Variants in MGAM observed in about 807,000 individuals in gnomAD.
MGAM encodes alpha-1,4-glucosidase.
Under a neutral mutation model 358.8 loss-of-function variants are expected in MGAM, and 253 were observed. The ratio of observed to expected loss-of-function variants is 0.71; its 90% CI spans 0.64 to 0.78. The LOEUF is 0.78. Ranked by LOEUF, MGAM falls within the 30% of genes least tolerant of loss-of-function variation. The pLI is 0.00. For synonymous variants in MGAM, 1,105 were observed against 1,227.1 expected, an observed-to-expected ratio of 0.90 and a Z score of 2.08; for missense variants, 3,080 against 3,432.6, an observed-to-expected ratio of 0.90 and a Z score of 2.57.
chr7:142,072,264 T>C (rs1006682264), intron 44 of MGAM, among the ~76,000 whole-genome samples: 2 of 146,172 alleles, frequency 1.4e-5, no homozygotes, highest in Admixed American at 1.4e-4. Flanking sequence ...ACAGACCAGG[T>C]ATGCCAAAAA....
intron 23 of MGAM, 35 bp from the exon 24 acceptor site, chr7:142,050,662 A>G (rs376298397): frequency 6.5e-5 from 104 of 1,590,084 alleles, no homozygotes; most frequent in Non-Finnish European, 8.4e-5. Flanking sequence ...ATACTCATAT[A>G]CCTTTATGCA....
chr7:142,005,767 G>C (rs972524112), intron 2 of MGAM, 110 bp downstream of exon 2: 1 of 1,133,864 alleles, frequency 8.8e-7, no homozygotes, highest in African/African-American at 1.6e-5. Flanking sequence ...TGTTTGTTGC[G>C]GGGGCTGTTA....
chr7:142,093,303 C>T lies in MGAM; in HGVS notation c.7034-109C>T, dbSNP rs925805271. ...GTCTCTGGGAAGACGGAGAGTGACA[C>T]AGGCAGGACTGAAGTTAGTCTTAAG... On this transcript the variant is annotated intron_variant, in intron 59 of 70. Coordinates refer to ENST00000475668, the MANE Select transcript of MGAM (RefSeq NM_001365693.1). The T allele has an allele frequency of 3.7e-6, 5 of 1,337,530 alleles. No individual in the cohort carries two copies. The African/African-American group carries it at 7.0e-5, about 19-fold the overall frequency. The allele number at this position is 1,337,530 out of a possible 1,614,324, so 82.9% of individuals were successfully genotyped here. A position where few individuals can be genotyped will look rare whatever the true frequency, so the allele number is the denominator to read the frequency against.
chr7:142,060,116 A>T, intron 33 of MGAM, 150 bp downstream of exon 33: 1 of 1,275,740 alleles, frequency 7.8e-7, no homozygotes, highest in East Asian at 2.5e-5. Flanking sequence ...TTCTCAATCA[A>T]TATTTGTTGA....
intron 2 of MGAM, among the ~76,000 whole-genome samples, chr7:141,987,428 G>A (rs1412616170): frequency 6.6e-6 from 1 of 152,162 alleles, no homozygotes; most frequent in African/African-American, 2.4e-5. Context: ...ACTCAGTGCA[G>A]TATGATTCAG....
chr7:142,080,674 C>A, intron 49 of MGAM, 117 bp from the exon 50 acceptor site: 1 of 956,582 alleles, frequency 1.0e-6, no homozygotes, highest in Non-Finnish European at 1.5e-6. Flanking sequence ...ACATCATAAA[C>A]TTAAAGAAGA....
intron 2 of MGAM, among the ~76,000 whole-genome samples, chr7:141,990,778 C>T (rs781909099): frequency 5.3e-5 from 8 of 152,020 alleles, no homozygotes; most frequent in African/African-American, 1.7e-4. Context: ...TGCGCTGCAC[C>T]GGTTCTGTTA....
At chr7:142,053,391 A>G (rs544043995) in intron 26 of MGAM, among the ~76,000 whole-genome samples, 1 of 152,076 alleles carries the variant, frequency 6.6e-6, no homozygotes. Context: ...AACATCAAGA[A>G]TGATGACCGT....
chr7:142,004,873 T>G (rs1584900831), intron 1 of MGAM, among the ~76,000 whole-genome samples: 1 of 152,022 alleles, frequency 6.6e-6, no homozygotes, highest in Non-Finnish European at 1.5e-5. Context: ...ATTAACTAGA[T>G]TTAAAGTCTC....
At chr7:142,100,696 T>C in intron 67 of MGAM, 106 bp from the exon 68 acceptor site, 1 of 929,738 alleles carries the variant, frequency 1.1e-6, no homozygotes, top group Non-Finnish European at 1.7e-6. Context: ...ATGCAGTCTT[T>C]ATCCCCCAAA....
rs1384606119 is a variant in MGAM, at chr7:142,050,735, G to A, written c.2676G>A (p.Lys892=). The A allele has an allele frequency of 6.2e-7, 1 of 1,613,808 alleles. No homozygotes were observed. Among genetic ancestry groups the A allele is most frequent in the South Asian group, 1.1e-5 (1 of 91,054 alleles). Residue 892 remains lysine, a synonymous_variant, in exon 24 of 71, where the codon AAG becomes AAA. Coordinates refer to ENST00000475668, the MANE Select transcript of MGAM (RefSeq NM_001365693.1). ...TGAATATTTCACAATCAACCTACAAGGACCCCAATAATTTAGCATTTAATG... is the reference window on the plus strand; with the variant it reads ...TGAATATTTCACAATCAACCTACAAAGACCCCAATAATTTAGCATTTAATG... ...LEVNISQSTY[K]DPNNLAFNEI...
rs761452877 is a variant in MGAM at position 142,063,548 on chromosome 7, G to A, written c.4307G>A (p.Cys1436Tyr). Residue 1436 changes from cysteine to tyrosine, a missense_variant, in exon 36 of 71, where the codon TGC (cysteine) becomes TAC (tyrosine). Physicochemically the swap from Cys to Tyr is radical, Grantham distance 194. Coordinates refer to ENST00000475668, the MANE Select transcript of MGAM (RefSeq NM_001365693.1). Reference sequence around the variant, plus strand: ...GTGAATGGGGCAGTTTCTCCAGGCTGCAGGGACGCCTCTCTGAACCACCCT... The same window carrying A: ...GTGAATGGGGCAGTTTCTCCAGGCTACAGGGACGCCTCTCTGAACCACCCT... ...SFVNGAVSPG[C>Y]RDASLNHPPY... 3.3e-5 allele frequency: 53 copies of A among 1,613,636 alleles called. No individual in the cohort carries two copies. Among genetic ancestry groups the A allele is most frequent in the Non-Finnish European group, 4.2e-5 (50 of 1,179,806 alleles).
intron 44 of MGAM, among the ~76,000 whole-genome samples, chr7:142,072,008 T>A (rs1813384692): frequency 6.8e-6 from 1 of 146,188 alleles, no homozygotes; most frequent in South Asian, 2.2e-4. Context: ...AATTCTAGAC[T>A]TTTTTATGAT....
chr7:142,085,328 T>C (rs1814652447), intron 54 of MGAM, among the ~76,000 whole-genome samples: 1 of 146,688 alleles, frequency 6.8e-6, no homozygotes, highest in Admixed American at 6.8e-5. Flanking sequence ...AATATTTCAT[T>C]CTCCAGAAGA....
At chr7:142,025,410 G>A (rs1403847176) in intron 8 of MGAM, among the ~76,000 whole-genome samples, 7 of 151,796 alleles carry the variant, frequency 4.6e-5, no homozygotes, top group African/African-American at 1.5e-4. Flanking sequence ...AAGTTAAGGA[G>A]CTCACCCTTC....
rs764218201 is a variant in MGAM, at chr7:142,052,292, A to T, written c.2806-2A>T. The T allele has an allele frequency of 1.2e-6, 2 of 1,601,506 alleles. No homozygotes were observed. The highest frequency in any genetic ancestry group is 1.1e-5 in the South Asian group (1 of 88,886). The stretch of plus-strand genomic sequence containing the variant: ...TTCCTTATGATTTCCACATTCCTAC[A>T]GGTTGCCATTATCACAGATATTGAT... On this transcript the variant is annotated splice_acceptor_variant, in intron 24 of 70. Transcript: ENST00000475668. LOFTEE classifies it high-confidence loss of function.
At chr7:142,062,884 C>A (rs1326925647) in intron 35 of MGAM, among the ~76,000 whole-genome samples, 182 bp downstream of exon 35, 1 of 152,174 alleles carries the variant, frequency 6.6e-6, no homozygotes, top group African/African-American at 2.4e-5. Flanking sequence ...TTCTACCAGA[C>A]CTGACGCTCC....
At chr7:142,027,814 C>A in intron 10 of MGAM, 79 bp downstream of exon 10, 1 of 1,355,286 alleles carries the variant, frequency 7.4e-7, no homozygotes, top group Non-Finnish European at 9.7e-7. Flanking sequence ...TATTTTCTCT[C>A]CCTGAGTTTA....
chr7:142,052,348 T>G lies in MGAM; in HGVS notation c.2860T>G (p.Trp954Gly), dbSNP rs1811069996. The change falls in exon 25 of 71, where the codon TGG becomes GGG. Residue 954 changes from tryptophan to glycine, a missense_variant. Around this residue, in one of 5 missense-constraint regions of MGAM, gnomAD observed 1,816 missense variants for 1,840.5 expected, o/e 0.99. Coordinates refer to ENST00000475668, the MANE Select transcript of MGAM (RefSeq NM_001365693.1). ...LLLGEAYTVE[W>G]SIKIRDEEKI... Reference sequence around the variant, plus strand: ...CCTGGGAGAAGCATACACAGTGGAATGGAGCATAAAGATAAGGGATGAAGA... The same window carrying G: ...CCTGGGAGAAGCATACACAGTGGAAGGGAGCATAAAGATAAGGGATGAAGA... The G allele has an allele frequency of 6.2e-7, 1 of 1,610,644 alleles. No homozygotes were observed. The highest frequency in any genetic ancestry group is 8.5e-7 in the Non-Finnish European group (1 of 1,178,336).
Sources: allele counts gnomAD v4.1 joint callset (sites outside exome capture counted in the v4.1 genomes callset), GRCh38; gene constraint gnomAD v4.1.1; regional missense constraint gnomAD v4.1.1; transcripts MANE v1.5; gene names NCBI Gene and HGNC (gene_info 2026-07-23, HGNC 2026-07-21).